Variants in SLC44A5 observed in about 807,000 individuals in gnomAD.
SLC44A5 encodes the protein choline transporter-like protein 5.
Under a neutral mutation model 101.8 loss-of-function variants are expected in SLC44A5, and 57 were observed. The ratio of observed to expected loss-of-function variants is 0.56; its 90% CI spans 0.45 to 0.70. The LOEUF (loss-of-function observed/expected upper bound fraction) is 0.70, where lower values mean the gene tolerates loss of function less well. Among genes scored for constraint, SLC44A5 ranks in the 30% least tolerant of loss-of-function variants. The pLI is 0.00. For synonymous variants in SLC44A5, 281 were observed against 290.9 expected (o/e 0.97, Z 0.35); for missense variants, 737 against 853.1 (o/e 0.86, Z 1.70).
At chr1:75,363,471 G>T (rs1470023204) in intron 3 of SLC44A5, among the ~76,000 whole-genome samples, 1 of 151,506 alleles carries the variant, frequency 6.6e-6, no homozygotes, top group Non-Finnish European at 1.5e-5. Flanking sequence ...TTTAATTTGT[G>T]GTTACCATGA....
chr1:75,654,901 T>C, the SLC44A5 span, among the ~76,000 whole-genome samples: 7 of 152,196 alleles, frequency 4.6e-5, no homozygotes, highest in African/African-American at 1.7e-4. Flanking sequence ...ATGGTCACCT[T>C]ACTCTTCTGT....
At chr1:75,605,128 C>A (rs1675247496) in intron 1 of SLC44A5, among the ~76,000 whole-genome samples, 1 of 151,964 alleles carries the variant, frequency 6.6e-6, no homozygotes, top group African/African-American at 2.4e-5. Flanking sequence ...TTGTCTTTGA[C>A]TTTGAACACT....
In SLC44A5 at chr1:75,210,421, A is replaced by G. The variant is rs575302001; in HGVS notation, c.2047+1047T>C. ...ATATGCAACTATAGGAGCATCATGT[A>G]TAAGTCAGTGATGAAAGCTCTAAAG... On this transcript the variant is annotated intron_variant, in intron 23 of 23. Transcript: ENST00000370859. Among the ~76,000 whole-genome samples the G allele has an allele frequency of 4.6e-5, 7 of 152,284 alleles. No individual in the cohort carries two copies. In the East Asian group the frequency reaches 1.2e-3, roughly 25 times the overall value.
At position 75,582,335 on chromosome 1, in the gene SLC44A5, G is replaced by A. The variant is rs775639661; in HGVS notation, c.-70+28705C>T. The A allele has an allele frequency of 2.9e-6, 4 of 1,358,502 alleles. No individual in the cohort carries two copies. The South Asian group carries it at 3.7e-5, about 12-fold the overall frequency. 84.2% of individuals were successfully genotyped at this position (1,358,502 alleles called of 1,614,324 possible). A position where few individuals can be genotyped will look rare whatever the true frequency, so the allele number is the denominator to read the frequency against. ...CAAGGCCCTGGTAAAGCCCAAGGAA[G>A]TTAAGCCCAAGATCCCAAAGGGTGT... On this transcript the variant is annotated intron_variant, in intron 1 of 23. Transcript: ENST00000370859.
the SLC44A5 span, among the ~76,000 whole-genome samples, chr1:75,631,996 G>A: frequency 6.6e-6 from 1 of 152,120 alleles, no homozygotes; most frequent in Non-Finnish European, 1.5e-5. Flanking sequence ...TCTCTGCAGT[G>A]CCTGGAGTCA....
chr1:75,666,023 G>C, the SLC44A5 span, among the ~76,000 whole-genome samples: 1 of 152,126 alleles, frequency 6.6e-6, no homozygotes, highest in African/African-American at 2.4e-5. Context: ...CTGTTGATAG[G>C]AGTATTAATT....
At chr1:75,671,854 G>C in the SLC44A5 span, among the ~76,000 whole-genome samples, 4 of 152,166 alleles carry the variant, frequency 2.6e-5, 1 homozygote, top group African/African-American at 9.7e-5. Flanking sequence ...TAGAGGAACT[G>C]AAACTATTTC....
At chr1:75,639,309 C>A in the SLC44A5 span, among the ~76,000 whole-genome samples, 2 of 151,990 alleles carry the variant, frequency 1.3e-5, no homozygotes, top group South Asian at 2.1e-4. Flanking sequence ...GTGATAAACA[C>A]ATGTAATTTT....
chr1:75,675,474 C>G, the SLC44A5 span, among the ~76,000 whole-genome samples: 253 of 152,244 alleles, frequency 1.7e-3, 1 homozygote, highest in African/African-American at 5.5e-3. Flanking sequence ...TATCCTGAGA[C>G]TTTGTTGAAG....
chr1:75,266,515 T>G (rs1054522401), intron 6 of SLC44A5, among the ~76,000 whole-genome samples: 1 of 152,196 alleles, frequency 6.6e-6, no homozygotes, highest in Non-Finnish European at 1.5e-5. Context: ...ATGTGCTACC[T>G]TTGCCATTTA....
At chr1:75,334,383 A>G (rs760075285) in intron 4 of SLC44A5, among the ~76,000 whole-genome samples, 48 of 152,222 alleles carry the variant, frequency 3.2e-4, no homozygotes, top group Non-Finnish European at 6.3e-4. Flanking sequence ...TTAGAAGGAA[A>G]GCAAGACAGC....
chr1:75,264,311 C>T (rs1228271161), intron 6 of SLC44A5, among the ~76,000 whole-genome samples: 1 of 152,138 alleles, frequency 6.6e-6, no homozygotes, highest in Non-Finnish European at 1.5e-5. Flanking sequence ...AAGTGCAAGC[C>T]ATTGGCATTG....
intron 6 of SLC44A5, among the ~76,000 whole-genome samples, chr1:75,261,188 G>C (rs574437126): frequency 6.6e-6 from 1 of 151,966 alleles, no homozygotes; most frequent in Admixed American, 6.5e-5. Context: ...AGAACGGAAG[G>C]GCACAGAGAC....
chr1:75,592,573 C>G (rs1674413715), intron 1 of SLC44A5, among the ~76,000 whole-genome samples: 1 of 152,046 alleles, frequency 6.6e-6, no homozygotes. Context: ...CTAGAGGAAT[C>G]ACATTACCTG....
the SLC44A5 span, among the ~76,000 whole-genome samples, chr1:75,688,442 G>A: frequency 1.3e-5 from 2 of 152,154 alleles, no homozygotes; most frequent in East Asian, 3.9e-4. Context: ...CCTCTGGAAT[G>A]CCAAATCCAG....
At chr1:75,219,478 T>G (rs762921983) in intron 15 of SLC44A5, 134 bp from the exon 16 acceptor site, 3 of 690,594 alleles carry the variant, frequency 4.3e-6, no homozygotes, top group Non-Finnish European at 5.1e-6. Flanking sequence ...AATATTCATC[T>G]ATTTTTCAGG....
intron 14 of SLC44A5, among the ~76,000 whole-genome samples, chr1:75,221,309 G>A (rs1372423798): frequency 6.6e-6 from 1 of 152,112 alleles, no homozygotes; most frequent in African/African-American, 2.4e-5. Context: ...AGAGAGCATG[G>A]GCTGTTGGCT....
intron 3 of SLC44A5, among the ~76,000 whole-genome samples, chr1:75,377,089 G>A (rs919326461): frequency 6.6e-6 from 1 of 152,118 alleles, no homozygotes; most frequent in Non-Finnish European, 1.5e-5. Context: ...AATGGAATGT[G>A]GGGAAAAGCA....
chr1:75,317,063 T>A (rs1655747045), intron 4 of SLC44A5, among the ~76,000 whole-genome samples: 1 of 152,360 alleles, frequency 6.6e-6, no homozygotes, highest in Non-Finnish European at 1.5e-5. Flanking sequence ...ATAGAAGAGA[T>A]GAAGTTTGTA....
Sources: allele counts gnomAD v4.1 joint callset (sites outside exome capture counted in the v4.1 genomes callset), GRCh38; gene constraint gnomAD v4.1.1; transcripts MANE v1.5; gene names NCBI Gene and HGNC (gene_info 2026-07-23, HGNC 2026-07-21).